Variants in FGF12 observed in about 807,000 individuals in gnomAD.
FGF12 encodes fibroblast growth factor 12, also known as fibroblast growth factor 12B.
In FGF12, 14 loss-of-function variants were observed where a neutral mutation model predicts 23.6. The ratio of observed to expected loss-of-function variants is 0.59; its 90% CI spans 0.39 to 0.93. The LOEUF is 0.93. Ranked by LOEUF, FGF12 falls within the 40% of genes least tolerant of loss-of-function variation. The pLI, the probability that FGF12 is intolerant of heterozygous loss-of-function variation, is 0.00. For missense variants in FGF12, 175 were observed against 217.8 expected (o/e 0.80, Z 1.24); for synonymous variants, 62 against 77.3 (o/e 0.80, Z 1.04).
rs2108575724 is a variant in FGF12, at chr3:192,143,559, A to T, written c.*450T>A. On this transcript the variant is annotated 3_prime_UTR_variant, in exon 6 of 6. Coordinates refer to ENST00000445105, the MANE Select transcript of FGF12 (RefSeq NM_004113.6). ...AATTCCAGATGCCCAAATAAAATAC[A>T]AAATCAAGCAAAACCACACATCGCA... is the stretch of plus-strand genomic sequence containing the variant. 6.5e-6 allele frequency: 1 copy of T among 153,010 alleles called. No individual in the cohort carries two copies. The highest frequency in any genetic ancestry group is 2.4e-5 in the African/African-American group (1 of 41,586). The allele number at this position is 153,010 out of a possible 1,614,324, so 9.5% of individuals were successfully genotyped here.
chr3:192,573,822 T>G (rs1401276220), intron 2 of FGF12, among the ~76,000 whole-genome samples: 2 of 152,210 alleles, frequency 1.3e-5, no homozygotes, highest in African/African-American at 2.4e-5. Context: ...TCAACACTGC[T>G]GGTGTGTCAG....
chr3:192,542,324 C>G (rs1222175167), intron 2 of FGF12, among the ~76,000 whole-genome samples: 8 of 152,166 alleles, frequency 5.3e-5, no homozygotes, highest in Admixed American at 2.6e-4. Context: ...TTTTCAGCTC[C>G]AGAATTTCTG....
intron 2 of FGF12, among the ~76,000 whole-genome samples, chr3:192,432,636 A>G (rs954434187): frequency 1.5e-5 from 2 of 135,080 alleles, no homozygotes; most frequent in African/African-American, 2.6e-5. Context: ...AAAAAAAAAA[A>G]AAAAAAGAAA....
intron 2 of FGF12, among the ~76,000 whole-genome samples, chr3:192,544,928 G>GC: frequency 6.6e-6 from 1 of 152,240 alleles, no homozygotes; most frequent in East Asian, 1.9e-4. Flanking sequence ...GGCAATCGCC[G>GC]CAACTACTTT....
chr3:192,688,510 C>T (rs546055114), intron 2 of FGF12, among the ~76,000 whole-genome samples: 3 of 152,308 alleles, frequency 2.0e-5, no homozygotes, highest in East Asian at 3.9e-4. Context: ...CAAAGGAACA[C>T]AATAAACTTC....
chr3:192,163,828 A>AGTGTGTGTGTGT (rs35349561), intron 5 of FGF12, among the ~76,000 whole-genome samples: 8,861 of 149,390 alleles, frequency 0.059, 308 homozygotes, highest in South Asian at 0.067. Flanking sequence ...AGTGTGTGTG[A>AGTGTGTGTGTGT]GTGTGTGTGT....
intron 2 of FGF12, among the ~76,000 whole-genome samples, chr3:192,614,518 T>C (rs1714674116): frequency 1.3e-5 from 2 of 151,992 alleles, no homozygotes; most frequent in South Asian, 4.1e-4. Flanking sequence ...TTTATCTAGC[T>C]TTTTCTGTAT....
At chr3:192,721,480 T>C (rs1220631763) in intron 2 of FGF12, among the ~76,000 whole-genome samples, 15 of 152,294 alleles carry the variant, frequency 9.8e-5, no homozygotes, top group Non-Finnish European at 2.2e-4. Context: ...AAAAGCCTTT[T>C]GAAAAAGTAC....
At chr3:192,711,322 G>T (rs964996514) in intron 2 of FGF12, among the ~76,000 whole-genome samples, 8 of 149,446 alleles carry the variant, frequency 5.4e-5, no homozygotes, top group Non-Finnish European at 1.2e-4. Context: ...CGCCCCATCC[G>T]GGAGGTGGGG....
At chr3:192,490,524 C>T (rs1280265343) in intron 2 of FGF12, among the ~76,000 whole-genome samples, 1 of 149,228 alleles carries the variant, frequency 6.7e-6, no homozygotes, top group Non-Finnish European at 1.5e-5. Context: ...TATACATTCA[C>T]AAATATACAC....
chr3:192,307,032 G>A (rs1467423730), intron 4 of FGF12, among the ~76,000 whole-genome samples: 1 of 152,164 alleles, frequency 6.6e-6, no homozygotes, highest in Admixed American at 6.5e-5. Context: ...CACACATCAT[G>A]TAGTATTTAA....
chr3:192,583,687 G>A (rs543465912), intron 2 of FGF12, among the ~76,000 whole-genome samples: 1 of 152,296 alleles, frequency 6.6e-6, no homozygotes, highest in East Asian at 1.9e-4. Flanking sequence ...CATCTGACCT[G>A]TTTCCTTGGT....
rs111786855 is a variant in FGF12, at chr3:192,156,183, A to G, written c.428-12056T>C. 2.4e-4 allele frequency among the ~76,000 whole-genome samples: 37 copies of G among 152,328 alleles called. 1 individual carries two copies. The highest frequency in any genetic ancestry group is 8.9e-4 in the African/African-American group (37 of 41,584). ...GTTCTTATGATAAGCAGTAATTTCTAGACTGGAAATAACATGAAAACAAAA... is the reference window on the plus strand; with the variant it reads ...GTTCTTATGATAAGCAGTAATTTCTGGACTGGAAATAACATGAAAACAAAA... On this transcript the variant is annotated intron_variant, in intron 5 of 5. Transcript: ENST00000445105.
At chr3:192,726,288 T>A (rs1719211515) in intron 2 of FGF12, among the ~76,000 whole-genome samples, 1 of 152,060 alleles carries the variant, frequency 6.6e-6, no homozygotes, top group Non-Finnish European at 1.5e-5. Context: ...TTCTTCTGAT[T>A]TCGCCAGAAT....
intron 2 of FGF12, among the ~76,000 whole-genome samples, chr3:192,687,744 C>A (rs958819699): frequency 1.3e-5 from 2 of 152,092 alleles, no homozygotes; most frequent in African/African-American, 2.4e-5. Context: ...CTGGCCCTTG[C>A]AGCTGCCTAG....
At position 192,438,333 on chromosome 3, in the gene FGF12, G is replaced by T. The variant is rs560119965; in HGVS notation, c.14-77795C>A. On this transcript the variant is annotated intron_variant, in intron 2 of 5. Coordinates refer to ENST00000445105, the MANE Select transcript of FGF12 (RefSeq NM_004113.6). ...TAAAATCATTAAGAACAAAGAGTATGCAGTGTTTGCATGTGTGAGACTTAA... is the reference window on the plus strand; with the variant it reads ...TAAAATCATTAAGAACAAAGAGTATTCAGTGTTTGCATGTGTGAGACTTAA... Among the ~76,000 whole-genome samples, 7 of 152,312 alleles carry T rather than the reference G, an allele frequency of 4.6e-5. No homozygotes were observed. The East Asian group carries it at 1.4e-3, about 29-fold the overall frequency.
intron 2 of FGF12, among the ~76,000 whole-genome samples, chr3:192,400,145 T>G (rs1338340248): frequency 2.6e-5 from 4 of 152,120 alleles, no homozygotes; most frequent in African/African-American, 9.7e-5. Flanking sequence ...GTTACAAGCA[T>G]GGAGTCTGGG....
chr3:192,198,291 C>T (rs911616008), intron 4 of FGF12, among the ~76,000 whole-genome samples: 3 of 151,898 alleles, frequency 2.0e-5, no homozygotes, highest in African/African-American at 7.3e-5. Flanking sequence ...TCACTGATGG[C>T]GATTAGGGAA....
At chr3:192,538,497 G>C (rs1375477505) in intron 2 of FGF12, among the ~76,000 whole-genome samples, 1 of 152,176 alleles carries the variant, frequency 6.6e-6, no homozygotes, top group African/African-American at 2.4e-5. Context: ...TTTTATGCCA[G>C]TACCATGCTA....
Sources: gnomAD v4.1 joint callset for allele counts (sites outside exome capture counted in the v4.1 genomes callset) on GRCh38, gnomAD v4.1.1 for gene constraint, MANE v1.5 for transcripts, NCBI Gene and HGNC (gene_info 2026-07-23, HGNC 2026-07-21) for gene names.